The following IGSF21 variants were observed in gnomAD, a reference collection of about 807,000 sequenced individuals.
IGSF21 encodes immunoglobin superfamily member 21, also known as immunoglobulin superfamily member 21.
IGSF21 carries 28 observed loss-of-function variants against 46.8 expected under a neutral mutation model. The ratio of observed to expected loss-of-function variants is 0.60; its 90% CI spans 0.44 to 0.82. IGSF21 has a LOEUF of 0.82. Among genes scored for constraint, IGSF21 ranks in the 40% least tolerant of loss-of-function variants. The probability of loss-of-function intolerance (pLI) is 0.00; values close to 1 mark genes in which losing one functional copy is unlikely to be tolerated. For synonymous variants in IGSF21, 284 were observed against 273.6 expected, an observed-to-expected ratio of 1.04 and a Z score of -0.38; for missense variants, 624 against 665.5, an observed-to-expected ratio of 0.94 and a Z score of 0.69.
At chr1:18,243,775 T>C (rs777199471) in intron 2 of IGSF21, among the ~76,000 whole-genome samples, 8 of 152,126 alleles carry the variant, frequency 5.3e-5, no homozygotes, top group Non-Finnish European at 8.8e-5. Flanking sequence ...GCCCTTGTGT[T>C]GGGTGCTGCT....
intron 1 of IGSF21, among the ~76,000 whole-genome samples, chr1:18,222,032 G>A (rs370670902): frequency 6.6e-6 from 1 of 152,092 alleles, no homozygotes; most frequent in African/African-American, 2.4e-5. Flanking sequence ...AGGTCCCAGC[G>A]CTGGGTGGCA....
rs528587777 is a variant in IGSF21, at chr1:18,279,481, G to T, written c.184-12385G>T. On this transcript the variant is annotated intron_variant, in intron 2 of 9. Transcript: ENST00000251296. ...TTCTGCCACCCAGAATTTGCCTAGT[G>T]TTAACGCCACCCCCATAGAACAGCA... is the stretch of plus-strand genomic sequence containing the variant. Among the ~76,000 whole-genome samples the T allele has an allele frequency of 6.7e-4, 102 of 152,270 alleles. 2 individuals are homozygous for T. The South Asian group carries it at 0.021, about 31-fold the overall frequency.
At chr1:18,293,090 A>C (rs1451699830) in intron 3 of IGSF21, among the ~76,000 whole-genome samples, 1 of 152,112 alleles carries the variant, frequency 6.6e-6, no homozygotes, top group Non-Finnish European at 1.5e-5. Flanking sequence ...TGTTGTCTTT[A>C]GACTGAGCCT....
chr1:18,336,621 T>C (rs2085769366), intron 4 of IGSF21, among the ~76,000 whole-genome samples: 2 of 152,170 alleles, frequency 1.3e-5, no homozygotes, highest in Non-Finnish European at 2.9e-5. Flanking sequence ...TAAGGTGCCT[T>C]CAAGCAAGGC....
At chr1:18,219,771 T>C (rs1305988096) in intron 1 of IGSF21, among the ~76,000 whole-genome samples, 3 of 152,072 alleles carry the variant, frequency 2.0e-5, no homozygotes, top group Non-Finnish European at 4.4e-5. Context: ...TGGACTGCCT[T>C]ACAGCAGGGT....
intron 1 of IGSF21, among the ~76,000 whole-genome samples, chr1:18,122,346 A>G (rs1444442635): frequency 6.6e-6 from 1 of 151,508 alleles, no homozygotes; most frequent in Non-Finnish European, 1.5e-5. Context: ...GCATGCCACC[A>G]TACCCGGCTA....
At position 18,120,797 on chromosome 1, in the gene IGSF21, G is replaced by A. The variant is rs143271997; in HGVS notation, c.70+12599G>A. Among the ~76,000 whole-genome samples, 878 of 152,236 alleles carry A rather than the reference G, an allele frequency of 5.8e-3. 4 individuals are homozygous for A. Among genetic ancestry groups the A allele is most frequent in the Middle Eastern group, 0.017 (5 of 294 alleles). The stretch of plus-strand genomic sequence containing the variant: ...ATTTGAAGGGGCAGACAACATTGGA[G>A]GCAAATTGCAGCTTGCAAAGCGGAA... On this transcript the variant is annotated intron_variant, in intron 1 of 9. Transcript: ENST00000251296.
intron 2 of IGSF21, among the ~76,000 whole-genome samples, chr1:18,236,210 T>G (rs1308135582): frequency 1.3e-5 from 2 of 152,178 alleles, no homozygotes; most frequent in African/African-American, 4.8e-5. Flanking sequence ...TGGGGGCAGC[T>G]TCCCCCATAC....
intron 3 of IGSF21, among the ~76,000 whole-genome samples, chr1:18,315,086 T>G (rs891940881): frequency 4.6e-5 from 7 of 151,980 alleles, no homozygotes; most frequent in African/African-American, 1.7e-4. Context: ...GATCTGTGGC[T>G]GGAGTGAAGG....
At chr1:18,289,611 C>T (rs2085247518) in intron 2 of IGSF21, among the ~76,000 whole-genome samples, 1 of 152,166 alleles carries the variant, frequency 6.6e-6, no homozygotes, top group Admixed American at 6.5e-5. Flanking sequence ...GGGCTTAAAA[C>T]TGGGTTTCTC....
At chr1:18,124,663 C>T (rs2086260693) in intron 1 of IGSF21, among the ~76,000 whole-genome samples, 1 of 152,198 alleles carries the variant, frequency 6.6e-6, no homozygotes, top group South Asian at 2.1e-4. Context: ...GCTGCCCTTC[C>T]CTGCCTCGGC....
intron 1 of IGSF21, among the ~76,000 whole-genome samples, chr1:18,128,663 A>C (rs920036746): frequency 4.6e-5 from 7 of 152,124 alleles, no homozygotes; most frequent in South Asian, 2.1e-4. Context: ...GGTGGGCCCT[A>C]CTGTATTCTC....
At chr1:18,211,777 C>T (rs1256477433) in intron 1 of IGSF21, among the ~76,000 whole-genome samples, 1 of 152,110 alleles carries the variant, frequency 6.6e-6, no homozygotes, top group Non-Finnish European at 1.5e-5. Context: ...CTTAATAACC[C>T]ATCATCCATA....
intron 3 of IGSF21, among the ~76,000 whole-genome samples, chr1:18,311,469 C>A (rs1302393348): frequency 6.6e-6 from 1 of 152,198 alleles, no homozygotes; most frequent in African/African-American, 2.4e-5. Flanking sequence ...AGGCTGCAGG[C>A]TCTGGAGCGG....
At chr1:18,278,538 TG>T (rs2085127024) in intron 2 of IGSF21, among the ~76,000 whole-genome samples, 2 of 125,886 alleles carry the variant, frequency 1.6e-5, no homozygotes, top group African/African-American at 7.7e-5. Context: ...TTTTTTTGTT[TG>T]TTTGTTTGTT....
intron 1 of IGSF21, among the ~76,000 whole-genome samples, chr1:18,141,599 T>C (rs876032): frequency 0.77 from 116,435 of 151,986 alleles, 44,859 homozygotes; most frequent in South Asian, 0.86. Flanking sequence ...GTGAGGGACC[T>C]GGAGAGCTAA....
chr1:18,307,568 G>A (rs570750881), intron 3 of IGSF21, among the ~76,000 whole-genome samples: 4 of 152,326 alleles, frequency 2.6e-5, no homozygotes, highest in Non-Finnish European at 4.4e-5. Flanking sequence ...ATTCAAACCC[G>A]CCTGCTGGGT....
At chr1:18,198,928 C>G (rs187316214) in intron 1 of IGSF21, among the ~76,000 whole-genome samples, 1 of 152,068 alleles carries the variant, frequency 6.6e-6, no homozygotes, top group Admixed American at 6.5e-5. Context: ...GATGCCCCCC[C>G]AAAGCAAGAC....
intron 1 of IGSF21, among the ~76,000 whole-genome samples, chr1:18,141,494 G>C (rs1287114990): frequency 1.3e-5 from 2 of 152,086 alleles, no homozygotes; most frequent in Non-Finnish European, 2.9e-5. Flanking sequence ...GGGATGTAGG[G>C]CAGGGGGTTG....
Sources: allele counts gnomAD v4.1 joint callset (sites outside exome capture counted in the v4.1 genomes callset), GRCh38; gene constraint gnomAD v4.1.1; transcripts MANE v1.5; gene names NCBI Gene and HGNC (gene_info 2026-07-23, HGNC 2026-07-21).